Variants in KCNC4 observed in about 807,000 individuals in gnomAD.
The protein encoded by KCNC4 is voltage-gated potassium channel KCNC4.
KCNC4 carries 23 observed loss-of-function variants against 42.8 expected under a neutral mutation model. The observed-to-expected ratio is 0.54, with a 90% confidence interval of 0.39 to 0.76. The LOEUF is 0.76. Ranked by LOEUF, KCNC4 falls within the 30% of genes least tolerant of loss-of-function variation. The pLI, the probability that KCNC4 is intolerant of heterozygous loss-of-function variation, is 0.00. For missense variants in KCNC4, 751 were observed against 898.2 expected (o/e 0.84, Z 2.10); for synonymous variants, 422 against 393.5 (o/e 1.07, Z -0.86).
chr1:110,214,414 A>G (rs993661059), intron 1 of KCNC4, among the ~76,000 whole-genome samples: 3 of 152,226 alleles, frequency 2.0e-5, no homozygotes, highest in Middle Eastern at 3.2e-3. Context: ...TCAGGAGCCC[A>G]GGCAAAGGCA....
chr1:110,231,195 A>T (rs1297651137), intron 3 of KCNC4, among the ~76,000 whole-genome samples: 1 of 152,158 alleles, frequency 6.6e-6, no homozygotes, highest in African/African-American at 2.4e-5. Context: ...TGCAACCTAG[A>T]AGCTGGCTGA....
At position 110,233,475 on chromosome 1, in the gene KCNC4, AGGGT is replaced by A; in HGVS notation, c.*504_*507del. 1.7e-5 allele frequency: 3 copies of A among 172,870 alleles called. No homozygotes were observed. Among genetic ancestry groups the A allele is most frequent in the South Asian group, 2.7e-4 (2 of 7,424 alleles). 10.7% of individuals were successfully genotyped at this position (172,870 alleles called of 1,614,324 possible). On this transcript the variant is annotated 3_prime_UTR_variant, in exon 4 of 4. Coordinates refer to ENST00000438661, the MANE Select transcript of KCNC4 (RefSeq NM_001039574.3). ...TCTATTGAAGGCCAGACTGCCCCCT[AGGGT>A]CACTGCTTCACTAGCCGCACCCCAC...
chr1:110,212,226 C>T (rs1340047782), intron 1 of KCNC4, 49 bp downstream of exon 1: 7 of 1,396,068 alleles, frequency 5.0e-6, no homozygotes, highest in Non-Finnish European at 5.5e-6. Context: ...GCAAGGGGTC[C>T]GTGGTGGGTG....
At chr1:110,228,013 G>A (rs547481314) in intron 3 of KCNC4, among the ~76,000 whole-genome samples, 34 of 152,214 alleles carry the variant, frequency 2.2e-4, no homozygotes, top group Middle Eastern at 3.4e-3. Flanking sequence ...AGTGACCTTC[G>A]AGAGGGAACA....
Position 110,233,201 on chromosome 1 carries a change from T to G in KCNC4, c.*229T>G, listed in dbSNP as rs1252578537. The stretch of plus-strand genomic sequence containing the variant: ...ATATATGCACATATAGTATCTATAT[T>G]CATACATATTATACTCTTGTGTGTA... On this transcript the variant is annotated 3_prime_UTR_variant, in exon 4 of 4. Transcript: ENST00000438661. The G allele has an allele frequency of 1.2e-5, 7 of 605,938 alleles. No homozygotes were observed. The highest frequency in any genetic ancestry group is 2.0e-5 in the Non-Finnish European group (7 of 342,610). The allele number at this position is 605,938 out of a possible 1,614,324, so 37.5% of individuals were successfully genotyped here.
intron 1 of KCNC4, among the ~76,000 whole-genome samples, chr1:110,271,194 T>A (rs2101085824): frequency 6.6e-6 from 1 of 152,134 alleles, no homozygotes; most frequent in East Asian, 1.9e-4. Context: ...GGTGGGAAGG[T>A]TGTGAGAGTT....
intron 1 of KCNC4, among the ~76,000 whole-genome samples, chr1:110,281,202 G>A (rs753845630): frequency 2.6e-5 from 4 of 152,124 alleles, no homozygotes; most frequent in African/African-American, 7.2e-5. Context: ...TGCTTGGAGC[G>A]GGGAAGGGGG....
intron 1 of KCNC4, among the ~76,000 whole-genome samples, chr1:110,265,761 C>T (rs1470207993): frequency 6.6e-6 from 1 of 152,162 alleles, no homozygotes; most frequent in Non-Finnish European, 1.5e-5. Flanking sequence ...CTGCCCAGCA[C>T]TAGACCCTCT....
At chr1:110,277,977 A>G (rs977880873) in intron 1 of KCNC4, among the ~76,000 whole-genome samples, 4 of 152,152 alleles carry the variant, frequency 2.6e-5, no homozygotes. Flanking sequence ...GCGAAACCCC[A>G]TCTCTACAAA....
intron 3 of KCNC4, among the ~76,000 whole-genome samples, chr1:110,229,765 C>T (rs1010216741): frequency 1.6e-4 from 25 of 152,298 alleles, no homozygotes; most frequent in Admixed American, 7.2e-4. Context: ...CTTGCCCCCA[C>T]CTGCTCCTGC....
At chr1:110,283,020 A>G (rs918654731) in exon 3 of KCNC4, 5 of 152,336 alleles carry the variant, frequency 3.3e-5, no homozygotes, top group Admixed American at 1.3e-4. Flanking sequence ...TTCAAGAAGC[A>G]TGGTGCTGGC....
chr1:110,213,986 GC>G (rs1372857804), intron 1 of KCNC4, among the ~76,000 whole-genome samples: 1 of 152,172 alleles, frequency 6.6e-6, no homozygotes, highest in African/African-American at 2.4e-5. Context: ...CTTTTCACCT[GC>G]TCTTCTTCCC....
chr1:110,235,665 C>G (rs61160768), downstream of KCNC4: 95 of 152,312 alleles, frequency 6.2e-4, no homozygotes, highest in African/African-American at 2.2e-3. Context: ...CAGCAGACTG[C>G]CCCTCCTCCC....
downstream of KCNC4, among the ~76,000 whole-genome samples, chr1:110,253,423 G>A (rs1659277029): frequency 6.6e-6 from 1 of 152,248 alleles, no homozygotes; most frequent in South Asian, 2.1e-4. Context: ...TCATGCATCT[G>A]CCACAGCATC....
chr1:110,235,798 A>G (rs1658892577), downstream of KCNC4: 1 of 152,250 alleles, frequency 6.6e-6, no homozygotes, highest in East Asian at 1.9e-4. Context: ...CATTGTTTAA[A>G]AGAATAAGAC....
intron 1 of KCNC4, among the ~76,000 whole-genome samples, chr1:110,257,318 C>T (rs779350512): frequency 1.7e-4 from 26 of 152,150 alleles, no homozygotes; most frequent in Non-Finnish European, 2.6e-4. Context: ...GTCCAGAAGA[C>T]GTCAGTTGGG....
exon 4 of KCNC4, chr1:110,248,072 A>T (rs886788142): frequency 5.9e-5 from 9 of 152,262 alleles, no homozygotes; most frequent in African/African-American, 2.2e-4. Flanking sequence ...TCCAGAATGT[A>T]GCTGTGACCT....
chr1:110,211,557 C>G lies in KCNC4; in HGVS notation c.58C>G (p.Pro20Ala), dbSNP rs779357026. The change falls in exon 1 of 4, where the codon CCG (proline) becomes GCG (alanine). Residue 20 changes from proline to alanine, a missense_variant. Pro to Ala is a conservative substitution (Grantham distance 27). Coordinates refer to ENST00000438661, the MANE Select transcript of KCNC4 (RefSeq NM_001039574.3). The surrounding 1 kb of genome is among the most constrained non-coding windows in gnomAD (Gnocchi z 6.5). ...CGGGCGCAAGTCGGGGAACAAGCCT[C>G]CGTCCAAAACATGTCTGAAGGAGGA... is the stretch of plus-strand genomic sequence containing the variant. ...YRGRKSGNKP[P>A]SKTCLKEEMA... The G allele has an allele frequency of 2.5e-6, 4 of 1,614,112 alleles. No individual in the cohort carries two copies. Among genetic ancestry groups the G allele is most frequent in the Non-Finnish European group, 3.4e-6 (4 of 1,179,998 alleles).
Position 110,232,965 on chromosome 1 carries a change from T to C in KCNC4, c.1874T>C (p.Leu625Pro), listed in dbSNP as rs945245782. The stretch of plus-strand genomic sequence containing the variant: ...TATGCCCAGGCTGAAGTCCTCACCC[T>C]CTCTTAAAGCGGCACCAACGTGAGA... ...SNYAQAEVLT[L>P]S Residue 625 changes from leucine (L) to proline (P), a missense_variant, in exon 4 of 4, where the codon CTC becomes CCC. By Grantham distance (98) the Leu-to-Pro change is moderately conservative. Transcript: ENST00000438661. The C allele has an allele frequency of 6.2e-7, 1 of 1,610,712 alleles. No homozygotes were observed. The highest frequency in any genetic ancestry group is 8.5e-7 in the Non-Finnish European group (1 of 1,178,740).
Sources: gnomAD v4.1 joint callset for allele counts (sites outside exome capture counted in the v4.1 genomes callset) on GRCh38, gnomAD v4.1.1 for gene constraint, Gnocchi (gnomAD v3.1) non-coding constraint, MANE v1.5 for transcripts, NCBI Gene and HGNC (gene_info 2026-07-23, HGNC 2026-07-21) for gene names.